ACVR1C: variants seen among roughly 807,000 people sequenced by gnomAD.
ACVR1C encodes activin A receptor type 1C.
Under a neutral mutation model 57.9 loss-of-function variants are expected in ACVR1C, and 23 were observed. That is an observed-to-expected ratio of 0.40 (90% CI 0.29 to 0.56). ACVR1C has a LOEUF of 0.56. ACVR1C is among the 20% of genes least tolerant of loss of function. The pLI is 0.50. For missense variants in ACVR1C, 480 were observed against 607.9 expected, an observed-to-expected ratio of 0.79 and a Z score of 2.21; for synonymous variants, 214 against 215.3, an observed-to-expected ratio of 0.99 and a Z score of 0.05.
intron 1 of ACVR1C, among the ~76,000 whole-genome samples, chr2:157,622,201 G>A (rs1354705012): frequency 6.6e-6 from 1 of 151,828 alleles, no homozygotes; most frequent in Non-Finnish European, 1.5e-5. Flanking sequence ...CAAAGCAATG[G>A]AAAACCAAGA....
In ACVR1C at chr2:157,587,203, T is replaced by G. The variant is rs116298845; in HGVS notation, c.288A>C (p.Thr96=). ...CCFTDFCNNI[T]LHLPTASPNA... Reference sequence around the variant, plus strand: ...ACCCCTTACCTGTTGGAAGGTGCAGTGTTATGTTGTTGCAAAAATCTGTGA... The same window carrying G: ...ACCCCTTACCTGTTGGAAGGTGCAGGGTTATGTTGTTGCAAAAATCTGTGA... The change falls in exon 2 of 9, where the codon ACA becomes ACC. Residue 96 remains threonine (T), a synonymous_variant. Coordinates refer to ENST00000243349, the MANE Select transcript of ACVR1C (RefSeq NM_145259.3). The G allele has an allele frequency of 6.2e-7, 1 of 1,612,380 alleles. No homozygotes were observed.
intron 2 of ACVR1C, among the ~76,000 whole-genome samples, chr2:157,579,157 G>A (rs576439435): frequency 1.3e-5 from 2 of 152,052 alleles, no homozygotes; most frequent in Admixed American, 1.3e-4. Context: ...TTGGGGAAGG[G>A]CGTTCTTCTC....
In ACVR1C at chr2:157,561,945, TCTA is replaced by T. The variant is rs1239762820; in HGVS notation, c.305-5616_305-5614del. On this transcript the variant is annotated intron_variant, in intron 2 of 8. Coordinates refer to ENST00000243349, the MANE Select transcript of ACVR1C (RefSeq NM_145259.3). ...GTCCACAACCTTGTGGAATTTAAGA[TCTA>T]CTATGTAATATGTGACCCATCTAGA... 3.3e-5 allele frequency among the ~76,000 whole-genome samples: 5 copies of T among 152,266 alleles called. No homozygotes were observed. In the East Asian group the frequency reaches 9.6e-4, roughly 29 times the overall value.
chr2:157,552,960 A>G (rs1687956516), intron 3 of ACVR1C, among the ~76,000 whole-genome samples: 1 of 152,330 alleles, frequency 6.6e-6, no homozygotes, highest in African/African-American at 2.4e-5. Context: ...TTACACCACA[A>G]GAGAAAAGCA....
intron 2 of ACVR1C, among the ~76,000 whole-genome samples, chr2:157,574,188 T>C (rs1296014930): frequency 1.3e-5 from 2 of 152,230 alleles, no homozygotes; most frequent in East Asian, 3.8e-4. Flanking sequence ...GGGTAACTTA[T>C]AAAGAACAGA....
intron 1 of ACVR1C, 97 bp from the exon 2 acceptor site, chr2:157,587,514 G>T: frequency 2.1e-6 from 2 of 941,736 alleles, no homozygotes; most frequent in Non-Finnish European, 3.2e-6. Flanking sequence ...TAATGAAAAT[G>T]GAAAAAGGGT....
intron 4 of ACVR1C, among the ~76,000 whole-genome samples, chr2:157,545,171 T>A (rs2105210639): frequency 6.6e-6 from 1 of 152,340 alleles, no homozygotes; most frequent in Non-Finnish European, 1.5e-5. Flanking sequence ...TCAAATAATT[T>A]ACCTCATTTA....
chr2:157,551,174 C>T (rs898018261), intron 3 of ACVR1C, among the ~76,000 whole-genome samples: 4 of 152,134 alleles, frequency 2.6e-5, no homozygotes, highest in South Asian at 2.1e-4. Flanking sequence ...AGAGCACAGG[C>T]GGATTCAGAT....
At chr2:157,552,594 A>G (rs1269416354) in intron 3 of ACVR1C, among the ~76,000 whole-genome samples, 2 of 152,196 alleles carry the variant, frequency 1.3e-5, no homozygotes, top group Admixed American at 6.5e-5. Context: ...AAACATCACT[A>G]CCAACAACCA....
rs1432477975 is a variant in ACVR1C, at chr2:157,529,902, CTT to C, written c.*4014_*4015del. On this transcript the variant is annotated 3_prime_UTR_variant, in exon 9 of 9. Transcript: ENST00000243349. ...ATTTAATATTAACATTTTTTAAAAA[CTT>C]ACATTCCAATTAACTTTTTTGTTAT... 6.6e-6 allele frequency: 1 copy of C among 151,904 alleles called. No individual in the cohort carries two copies. The allele number at this position is 151,904 out of a possible 1,614,324, so 9.4% of individuals were successfully genotyped here. A position where few individuals can be genotyped will look rare whatever the true frequency, so the allele number is the denominator to read the frequency against.
intron 5 of ACVR1C, among the ~76,000 whole-genome samples, chr2:157,543,917 G>A (rs1056116602): frequency 2.0e-5 from 3 of 151,630 alleles, no homozygotes; most frequent in Admixed American, 1.3e-4. Flanking sequence ...AGAACCACTA[G>A]GAATAAATTT....
At chr2:157,624,133 A>G (rs1682847218) in intron 1 of ACVR1C, among the ~76,000 whole-genome samples, 1 of 152,194 alleles carries the variant, frequency 6.6e-6, no homozygotes, top group South Asian at 2.1e-4. Flanking sequence ...TGAAGATAAC[A>G]TTAATCATTT....
intron 2 of ACVR1C, among the ~76,000 whole-genome samples, chr2:157,573,234 A>G (rs1688566196): frequency 6.6e-6 from 1 of 152,204 alleles, no homozygotes; most frequent in African/African-American, 2.4e-5. Context: ...ACATGTGCCT[A>G]ATCAATATGT....
At chr2:157,585,639 C>T (rs910254207) in intron 2 of ACVR1C, among the ~76,000 whole-genome samples, 1 of 152,062 alleles carries the variant, frequency 6.6e-6, no homozygotes, top group Non-Finnish European at 1.5e-5. Context: ...CCTTTTTACC[C>T]CTAAAATCCT....
chr2:157,615,221 C>T (rs975223241), intron 1 of ACVR1C, among the ~76,000 whole-genome samples: 2 of 151,458 alleles, frequency 1.3e-5, no homozygotes, highest in Non-Finnish European at 2.9e-5. Flanking sequence ...AATACCAGCA[C>T]TATGGGAGGC....
intron 6 of ACVR1C, among the ~76,000 whole-genome samples, chr2:157,541,697 A>G (rs1645138378): frequency 6.6e-6 from 1 of 152,200 alleles, no homozygotes; most frequent in African/African-American, 2.4e-5. Context: ...GAAGTTCCTT[A>G]GGGCTGCCCA....
At chr2:157,538,804 C>T (rs934054390) in intron 7 of ACVR1C, 101 bp from the exon 8 acceptor site, 1 of 978,852 alleles carries the variant, frequency 1.0e-6, no homozygotes, top group African/African-American at 1.7e-5. Flanking sequence ...AGTGACACCC[C>T]AGGGAACTGG....
intron 1 of ACVR1C, among the ~76,000 whole-genome samples, chr2:157,622,259 A>C (rs1304261173): frequency 6.6e-6 from 1 of 152,198 alleles, no homozygotes; most frequent in Non-Finnish European, 1.5e-5. Flanking sequence ...AAATAGAAAA[A>C]AAAATCCTAA....
At chr2:157,564,297 A>C (rs992138628) in intron 2 of ACVR1C, among the ~76,000 whole-genome samples, 18 of 152,358 alleles carry the variant, frequency 1.2e-4, no homozygotes, top group Middle Eastern at 3.4e-3. Context: ...AAGTAGGCAA[A>C]GGATATGAAC....
Sources: gnomAD v4.1 joint callset for allele counts (sites outside exome capture counted in the v4.1 genomes callset) on GRCh38, gnomAD v4.1.1 for gene constraint, MANE v1.5 for transcripts, NCBI Gene and HGNC (gene_info 2026-07-23, HGNC 2026-07-21) for gene names.